The following ANTXR1 variants were observed in gnomAD, a reference collection of about 807,000 sequenced individuals.
The protein encoded by ANTXR1 is ANTXR cell adhesion molecule 1, also known as anthrax toxin receptor 1.
ANTXR1 carries 19 observed loss-of-function variants against 78.1 expected under a neutral mutation model. The observed-to-expected ratio is 0.24, with a 90% CI of 0.17 to 0.36. The LOEUF is 0.36. ANTXR1 is among the 10% of genes least tolerant of loss of function. The probability of loss-of-function intolerance (pLI) is 1.00; values close to 1 mark genes in which losing one functional copy is unlikely to be tolerated. For synonymous variants in ANTXR1, 273 were observed against 260.5 expected (o/e 1.05, Z -0.46); for missense variants, 518 against 718.6 (o/e 0.72, Z 3.19).
At chr2:69,046,516 A>G (rs1252893886) in intron 3 of ANTXR1, among the ~76,000 whole-genome samples, 1 of 152,182 alleles carries the variant, frequency 6.6e-6, no homozygotes, top group African/African-American at 2.4e-5. Context: ...AGCATTTTGT[A>G]TGGGTCAAAT....
chr2:69,165,562 G>T (rs1673804736), intron 13 of ANTXR1, among the ~76,000 whole-genome samples: 1 of 152,226 alleles, frequency 6.6e-6, no homozygotes, highest in Non-Finnish European at 1.5e-5. Flanking sequence ...TGTGGTGGAG[G>T]ATTTCTCAAC....
At chr2:69,102,499 T>A (rs1671655455) in intron 9 of ANTXR1, among the ~76,000 whole-genome samples, 1 of 152,256 alleles carries the variant, frequency 6.6e-6, no homozygotes. Flanking sequence ...CTCCGGCTAC[T>A]GAGATCACAG....
intron 5 of ANTXR1, 56 bp from the exon 6 acceptor site, chr2:69,072,966 G>C (rs1216445365): frequency 1.1e-5 from 16 of 1,515,196 alleles, no homozygotes; most frequent in East Asian, 2.3e-5. Flanking sequence ...GGACTGAGAG[G>C]GTGTTTCCTT....
intron 3 of ANTXR1, among the ~76,000 whole-genome samples, chr2:69,061,505 C>CG (rs1670244303): frequency 1.6e-5 from 2 of 125,214 alleles, no homozygotes; most frequent in African/African-American, 2.7e-5. Context: ...AAACAACTGC[C>CG]AAAAAAAAAA....
intron 10 of ANTXR1, among the ~76,000 whole-genome samples, chr2:69,107,744 A>G (rs1671856780): frequency 6.6e-6 from 1 of 152,216 alleles, no homozygotes; most frequent in South Asian, 2.1e-4. Flanking sequence ...CAGAGGGGGA[A>G]TTTGTTCCTC....
intron 8 of ANTXR1, among the ~76,000 whole-genome samples, chr2:69,080,519 A>T (rs151212082): frequency 0.01 from 1,595 of 152,328 alleles, 30 homozygotes; most frequent in African/African-American, 0.037. Flanking sequence ...ATTAATATGC[A>T]GGGGCTAGTA....
chr2:69,142,412 T>C (rs1673094442), intron 12 of ANTXR1, among the ~76,000 whole-genome samples: 1 of 152,236 alleles, frequency 6.6e-6, no homozygotes, highest in Admixed American at 6.5e-5. Flanking sequence ...TCTAGGGGCT[T>C]CTAATTCAGT....
At chr2:69,046,241 G>A (rs1367341905) in intron 3 of ANTXR1, among the ~76,000 whole-genome samples, 1 of 152,190 alleles carries the variant, frequency 6.6e-6, no homozygotes, top group Non-Finnish European at 1.5e-5. Flanking sequence ...TTGGCCAAGA[G>A]ACCAGGTTCA....
intron 14 of ANTXR1, among the ~76,000 whole-genome samples, chr2:69,181,199 C>G (rs557978781): frequency 1.3e-5 from 2 of 152,220 alleles, no homozygotes; most frequent in South Asian, 2.1e-4. Flanking sequence ...TGCATGGGGG[C>G]TTGGGCCCAG....
At chr2:69,162,795 T>C (rs968799464) in intron 13 of ANTXR1, among the ~76,000 whole-genome samples, 4 of 152,138 alleles carry the variant, frequency 2.6e-5, no homozygotes, top group African/African-American at 7.2e-5. Flanking sequence ...TCCTGTAACA[T>C]GAAATGTGTT....
intron 13 of ANTXR1, among the ~76,000 whole-genome samples, 157 bp from the exon 14 acceptor site, chr2:69,170,091 G>T (rs1673938481): frequency 1.3e-5 from 2 of 152,350 alleles, no homozygotes; most frequent in Admixed American, 1.3e-4. Flanking sequence ...ACTCTGTCCA[G>T]CAAAGACACC....
At chr2:69,134,544 G>T (rs1466947919) in intron 12 of ANTXR1, among the ~76,000 whole-genome samples, 1 of 152,168 alleles carries the variant, frequency 6.6e-6, no homozygotes, top group Admixed American at 6.6e-5. Flanking sequence ...CTCAGAGTGG[G>T]GATTGGAATA....
At chr2:69,170,441 A>C (rs1673951785) in intron 14 of ANTXR1, 152 bp downstream of exon 14, 13 of 887,962 alleles carry the variant, frequency 1.5e-5, no homozygotes, top group Non-Finnish European at 2.3e-5. Flanking sequence ...AGAAGGGAGG[A>C]AACTGTCTGG....
At chr2:69,097,109 G>T (rs765293112) in intron 9 of ANTXR1, among the ~76,000 whole-genome samples, 11 of 152,182 alleles carry the variant, frequency 7.2e-5, no homozygotes, top group Non-Finnish European at 1.6e-4. Context: ...GACCCATTTG[G>T]CCCTGTCTAA....
intron 16 of ANTXR1, among the ~76,000 whole-genome samples, chr2:69,191,676 A>C (rs1337070276): frequency 6.6e-6 from 1 of 152,234 alleles, no homozygotes; most frequent in Non-Finnish European, 1.5e-5. Context: ...GGTCCCATAC[A>C]AAATTGATTT....
chr2:69,102,798 G>A lies in ANTXR1; in HGVS notation c.704-44G>A, dbSNP rs539610569. On this transcript the variant is annotated intron_variant, in intron 9 of 17. Coordinates refer to ENST00000303714, the MANE Select transcript of ANTXR1 (RefSeq NM_032208.3). ...AATCAGGGCAGATGCGAAGCTTAAG[G>A]TTATTGGCCAAGTAACGAGTCTCGT... 147 of 1,565,884 alleles carry A rather than the reference G, an allele frequency of 9.4e-5. 2 individuals are homozygous for A. The South Asian group carries it at 1.6e-3, about 17-fold the overall frequency.
At chr2:69,124,736 A>G in intron 12 of ANTXR1, 93 bp downstream of exon 12, 2 of 1,456,388 alleles carry the variant, frequency 1.4e-6, no homozygotes, top group Non-Finnish European at 1.9e-6. Flanking sequence ...GGTACCCTGG[A>G]AAGTTTTTTG....
rs57070910 is a variant in ANTXR1 at position 69,149,235 on chromosome 2, GC to G, written c.952-2928del. Among the ~76,000 whole-genome samples the G allele has an allele frequency of 4.2e-3, 639 of 152,168 alleles. 3 individuals are homozygous for G. Among genetic ancestry groups the G allele is most frequent in the African/African-American group, 0.015 (609 of 41,518 alleles). On this transcript the variant is annotated intron_variant, in intron 12 of 17. Transcript: ENST00000303714. Reference sequence around the variant, plus strand: ...TTTCCTGCACCTCTCCCCTTCCTGAGCCCCCCGGCTGTCCTCCACCACAGCC... The same window carrying G: ...TTTCCTGCACCTCTCCCCTTCCTGAGCCCCCGGCTGTCCTCCACCACAGCC...
intron 1 of ANTXR1, among the ~76,000 whole-genome samples, chr2:69,033,267 C>A (rs936827399): frequency 2.0e-5 from 3 of 152,102 alleles, no homozygotes; most frequent in Non-Finnish European, 4.4e-5. Flanking sequence ...CAAGGTCAAG[C>A]TTTTTGAGCA....
Sources: gnomAD v4.1 joint callset for allele counts (sites outside exome capture counted in the v4.1 genomes callset) on GRCh38, gnomAD v4.1.1 for gene constraint, MANE v1.5 for transcripts, NCBI Gene and HGNC (gene_info 2026-07-23, HGNC 2026-07-21) for gene names.